DCHS2: variants seen among roughly 807,000 people sequenced by gnomAD.
DCHS2 encodes protocadherin-23.
Under a neutral mutation model 182.4 loss-of-function variants are expected in DCHS2, and 142 were observed. The observed-to-expected ratio is 0.78, with a 90% CI of 0.68 to 0.89. DCHS2 has a LOEUF of 0.89. Ranked by LOEUF, DCHS2 falls within the 40% of genes least tolerant of loss-of-function variation. The pLI, the probability that DCHS2 is intolerant of heterozygous loss-of-function variation, is 0.00. For missense variants in DCHS2, 4,319 were observed against 4,198.6 expected (o/e 1.03, Z -0.79); for synonymous variants, 1,740 against 1,663.3 (o/e 1.05, Z -1.12).
At chr4:154,260,821 G>C (rs1486467467) in intron 14 of DCHS2, among the ~76,000 whole-genome samples, 1 of 152,108 alleles carries the variant, frequency 6.6e-6, no homozygotes, top group Non-Finnish European at 1.5e-5. Flanking sequence ...GTCTGGCTCA[G>C]GGTCTGGCCT....
At chr4:154,433,395 CTTTTTTT>C (rs61553613) in intron 1 of DCHS2, among the ~76,000 whole-genome samples, 2 of 103,866 alleles carry the variant, frequency 1.9e-5, no homozygotes, top group Non-Finnish European at 3.7e-5. Context: ...TTTTTTTTTC[CTTTTTTT>C]TTTTTTTTTT....
intron 16 of DCHS2, among the ~76,000 whole-genome samples, chr4:154,249,901 G>A (rs1732269571): frequency 1.3e-5 from 2 of 151,894 alleles, no homozygotes; most frequent in African/African-American, 4.8e-5. Context: ...TGAGGGGGAG[G>A]GAGGGAGGGT....
At chr4:154,452,346 A>C (rs1734568223) in intron 1 of DCHS2, among the ~76,000 whole-genome samples, 1 of 152,184 alleles carries the variant, frequency 6.6e-6, no homozygotes, top group Non-Finnish European at 1.5e-5. Flanking sequence ...AAGAAGCTTT[A>C]AAAATTAAAG....
chr4:154,315,973 T>C lies in DCHS2; in HGVS notation c.5035A>G (p.Thr1679Ala), dbSNP rs758992583. The change falls in exon 10 of 20, where the codon ACC becomes GCC. Residue 1679 changes from threonine (T) to alanine (A), a missense_variant. Coordinates refer to ENST00000357232, the MANE Select transcript of DCHS2 (RefSeq NM_001358235.2). The part of the protein sequence containing the change: ...LDESSGLLTT[T>A]CPLDYEMKTQ... Reference sequence around the variant, plus strand: ...TTCATTTCATAATCCAAAGGACAGGTTGTGGTTAGTAAGCCTGTTTTGAAA... The same window carrying C: ...TTCATTTCATAATCCAAAGGACAGGCTGTGGTTAGTAAGCCTGTTTTGAAA... 1 of 1,613,912 alleles carries C rather than the reference T, an allele frequency of 6.2e-7. No individual in the cohort carries two copies. Among genetic ancestry groups the C allele is most frequent in the Non-Finnish European group, 8.5e-7 (1 of 1,179,856 alleles).
intron 1 of DCHS2, among the ~76,000 whole-genome samples, chr4:154,482,746 G>A (rs1207818526): frequency 6.6e-6 from 1 of 152,112 alleles, no homozygotes; most frequent in Non-Finnish European, 1.5e-5. Context: ...TAGATGGATG[G>A]GAGAATATGA....
rs760634938 is a variant in DCHS2, at chr4:154,240,577, A to T, written c.7319T>A (p.Val2440Asp). The T allele has an allele frequency of 3.7e-6, 6 of 1,613,722 alleles. No individual in the cohort carries two copies. The highest frequency in any genetic ancestry group is 5.1e-6 in the Non-Finnish European group (6 of 1,179,876). ...EGALVVRVLD[V>D]NDNPPVFSQD... Reference sequence around the variant, plus strand: ...AGAAAACACTGGTGGATTATCATTGACATCCAGCACACGGACTACAAGTGC... The same window carrying T: ...AGAAAACACTGGTGGATTATCATTGTCATCCAGCACACGGACTACAAGTGC... Residue 2440 changes from valine (V) to aspartate (D), a missense_variant, in exon 18 of 20, where the codon GTC becomes GAC. Val to Asp is a radical substitution (Grantham distance 152). Coordinates refer to ENST00000357232, the MANE Select transcript of DCHS2 (RefSeq NM_001358235.2).
At chr4:154,428,472 G>A (rs1043853141) in intron 1 of DCHS2, among the ~76,000 whole-genome samples, 3 of 152,110 alleles carry the variant, frequency 2.0e-5, no homozygotes, top group East Asian at 3.9e-4. Context: ...CTAGGAGTTC[G>A]AGGCTGCAGT....
chr4:154,433,686 G>T (rs376151939), intron 1 of DCHS2, among the ~76,000 whole-genome samples: 1 of 152,058 alleles, frequency 6.6e-6, no homozygotes, highest in East Asian at 1.9e-4. Flanking sequence ...GAATCACTGC[G>T]CCAGGCCAGT....
chr4:154,484,875 CTT>C (rs1338234951), intron 1 of DCHS2, among the ~76,000 whole-genome samples: 1 of 152,190 alleles, frequency 6.6e-6, no homozygotes, highest in East Asian at 1.9e-4. Context: ...AAGTGGTTCT[CTT>C]TTGGAGATGA....
chr4:154,462,135 A>C (rs1011126473), intron 1 of DCHS2, among the ~76,000 whole-genome samples: 3 of 152,182 alleles, frequency 2.0e-5, no homozygotes, highest in African/African-American at 7.2e-5. Context: ...TTTATTATCC[A>C]GAATTTTTAT....
intron 2 of DCHS2, among the ~76,000 whole-genome samples, chr4:154,372,966 A>G (rs1305239496): frequency 6.6e-6 from 1 of 152,160 alleles, no homozygotes; most frequent in Non-Finnish European, 1.5e-5. Flanking sequence ...CCACCAGCAA[A>G]TGGGTTCTCA....
intron 3 of DCHS2, among the ~76,000 whole-genome samples, chr4:154,363,564 T>C (rs537711159): frequency 2.0e-5 from 3 of 152,230 alleles, no homozygotes; most frequent in Admixed American, 6.5e-5. Flanking sequence ...GCTGGGGTAA[T>C]TGGAGATGTT....
At chr4:154,363,049 A>C (rs1326987526) in intron 3 of DCHS2, among the ~76,000 whole-genome samples, 1 of 152,202 alleles carries the variant, frequency 6.6e-6, no homozygotes, top group African/African-American at 2.4e-5. Flanking sequence ...TACCCTCTGC[A>C]TTGTTCAAGA....
rs947668554 is a variant in DCHS2 at position 154,391,380 on chromosome 4, A to T, written c.2053-13936T>A. On this transcript the variant is annotated intron_variant, in intron 1 of 19. Coordinates refer to ENST00000357232, the MANE Select transcript of DCHS2 (RefSeq NM_001358235.2). ...CTTTCCTTGTGCTACAGGTTCACATATGGAAATACCTCCATGACTTTCCAC... is the reference window on the plus strand; with the variant it reads ...CTTTCCTTGTGCTACAGGTTCACATTTGGAAATACCTCCATGACTTTCCAC... The T allele has an allele frequency of 2.9e-5, 43 of 1,501,662 alleles. No homozygotes were observed. In the South Asian group the frequency reaches 5.4e-4, roughly 19 times the overall value. The allele number at this position is 1,501,662 out of a possible 1,614,324, so 93.0% of individuals were successfully genotyped here.
chr4:154,275,487 A>G (rs796381180), intron 13 of DCHS2, among the ~76,000 whole-genome samples: 40 of 152,236 alleles, frequency 2.6e-4, no homozygotes, highest in African/African-American at 9.1e-4. Context: ...TTCAAATTGC[A>G]TTATAATCTG....
chr4:154,452,461 T>C (rs1270219944), intron 1 of DCHS2, among the ~76,000 whole-genome samples: 26 of 151,718 alleles, frequency 1.7e-4, no homozygotes, highest in Admixed American at 1.7e-3. Flanking sequence ...TCGTCTCTAA[T>C]AAAAATACAA....
rs1728725640 is a variant in DCHS2 at position 154,489,740 on chromosome 4, A to G, written c.1616T>C (p.Phe539Ser). The change falls in exon 1 of 20, where the codon TTC (phenylalanine) becomes TCC (serine). Residue 539 changes from phenylalanine (F) to serine (S), a missense_variant. Physicochemically the swap from Phe to Ser is radical, Grantham distance 155. Coordinates refer to ENST00000357232, the MANE Select transcript of DCHS2 (RefSeq NM_001358235.2). ...VADLNDQPPL[F>S]SQQHYKASVS... ...TGAGGCCTTGTAATGCTGTTGGCTG[A>G]AGAGAGGTGGTTGGTCATTGAGGTC... The G allele has an allele frequency of 1.3e-6, 2 of 1,551,436 alleles. No individual in the cohort carries two copies. The highest frequency in any genetic ancestry group is 1.4e-5 in the African/African-American group (1 of 73,012).
chr4:154,309,506 G>C (rs1735589512), intron 10 of DCHS2, among the ~76,000 whole-genome samples: 1 of 152,084 alleles, frequency 6.6e-6, no homozygotes, highest in South Asian at 2.1e-4. Flanking sequence ...CAGTATTAGG[G>C]GTGGTAGCTG....
chr4:154,243,172 C>T (rs986280317), intron 16 of DCHS2, among the ~76,000 whole-genome samples: 2 of 152,130 alleles, frequency 1.3e-5, no homozygotes, highest in Non-Finnish European at 2.9e-5. Flanking sequence ...TACATATTTC[C>T]ATCTTACTGA....
Sources: gnomAD v4.1 joint callset for allele counts (sites outside exome capture counted in the v4.1 genomes callset) on GRCh38, gnomAD v4.1.1 for gene constraint, MANE v1.5 for transcripts, NCBI Gene and HGNC (gene_info 2026-07-23, HGNC 2026-07-21) for gene names.